Variants in PCDHGA11 observed in about 807,000 individuals in gnomAD.
The protein encoded by PCDHGA11 is protocadherin gamma-A11.
Under a neutral mutation model 60.4 loss-of-function variants are expected in PCDHGA11, and 39 were observed. The ratio of observed to expected loss-of-function variants is 0.65; its 90% confidence interval spans 0.50 to 0.84. The LOEUF is 0.84. Ranked by LOEUF, PCDHGA11 falls within the 40% of genes least tolerant of loss-of-function variation. The pLI is 0.00. For missense variants in PCDHGA11, 1,165 were observed against 1,197.7 expected, an observed-to-expected ratio of 0.97 and a Z score of 0.40; for synonymous variants, 533 against 510.3, an observed-to-expected ratio of 1.04 and a Z score of -0.60.
Position 141,438,239 on chromosome 5 carries a change from A to C in PCDHGA11, c.2433+14579A>C, listed in dbSNP as rs550172792. Among the ~76,000 whole-genome samples, 9 of 152,298 alleles carry C rather than the reference A, an allele frequency of 5.9e-5. No homozygotes were observed. In the East Asian group the frequency reaches 1.7e-3, roughly 29 times the overall value. On this transcript the variant is annotated intron_variant, in intron 1 of 3. Transcript: ENST00000398587. ...GCTCTGGTTCAGGAAAATGTTTTTA[A>C]AAAACTGTCATTGAAGAGACCATAG...
At position 141,476,033 on chromosome 5, in the gene PCDHGA11, C is replaced by T; in HGVS notation, c.2434-18774C>T. On this transcript the variant is annotated intron_variant, in intron 1 of 3. Transcript: ENST00000398587. The surrounding 1 kb of genome is among the most constrained non-coding windows in gnomAD (Gnocchi z 7.6). The stretch of plus-strand genomic sequence containing the variant: ...GCCATGTCGGACTCGGCGCCCAGCG[C>T]CCAAGCGCTAACCCGCTGAAAGTTT... 6.8e-7 allele frequency: 1 copy of T among 1,469,590 alleles called. No individual in the cohort carries two copies. Among genetic ancestry groups the T allele is most frequent in the Non-Finnish European group, 9.0e-7 (1 of 1,105,326 alleles). 91.0% of individuals were successfully genotyped at this position (1,469,590 alleles called of 1,614,324 possible). A position where few individuals can be genotyped will look rare whatever the true frequency, so the allele number is the denominator to read the frequency against.
intron 1 of PCDHGA11, among the ~76,000 whole-genome samples, chr5:141,443,035 CTT>C (rs2098359592): frequency 6.6e-6 from 1 of 152,208 alleles, no homozygotes; most frequent in African/African-American, 2.4e-5. Context: ...CAGACCTAAA[CTT>C]TGAAAATTAT....
chr5:141,472,268 A>G (rs399559), intron 1 of PCDHGA11, among the ~76,000 whole-genome samples: 152,324 of 152,332 alleles, frequency 1, 76,158 homozygotes, highest in Middle Eastern at 1. Flanking sequence ...ATAGCCGGGC[A>G]CAGTGGCTCA....
intron 1 of PCDHGA11, among the ~76,000 whole-genome samples, chr5:141,425,694 A>G (rs1006103007): frequency 6.6e-6 from 1 of 152,240 alleles, no homozygotes; most frequent in Non-Finnish European, 1.5e-5. Context: ...ATATCATTTC[A>G]TAGTGGTCAA....
rs182936964 is a variant in PCDHGA11, at chr5:141,502,069, T to C, written c.2493-3324T>C. 1.1e-3 allele frequency among the ~76,000 whole-genome samples: 175 copies of C among 152,186 alleles called. 1 individual carries two copies. Among genetic ancestry groups the C allele is most frequent in the African/African-American group, 3.9e-3 (162 of 41,524 alleles). ...CCCTACTTTATTCCCATTAGCCCCC[T>C]TCACCTGGGGCTGAGAACACCTGGC... On this transcript the variant is annotated intron_variant, in intron 2 of 3. Coordinates refer to ENST00000398587, the MANE Select transcript of PCDHGA11 (RefSeq NM_018914.3).
At chr5:141,437,741 CTT>C (rs35124340) in intron 1 of PCDHGA11, among the ~76,000 whole-genome samples, 17 of 141,612 alleles carry the variant, frequency 1.2e-4, no homozygotes, top group Admixed American at 2.1e-4. Flanking sequence ...TTGAGTTCAC[CTT>C]TTTTTTTTTT....
At chr5:141,447,084 T>A (rs2098525776) in intron 1 of PCDHGA11, among the ~76,000 whole-genome samples, 1 of 152,186 alleles carries the variant, frequency 6.6e-6, no homozygotes, top group Non-Finnish European at 1.5e-5. Flanking sequence ...TTTTGTTGTT[T>A]AATTTTCTTT....
chr5:141,489,477 G>C lies in PCDHGA11; in HGVS notation c.2434-5330G>C, dbSNP rs2154581232. 1.9e-6 allele frequency: 3 copies of C among 1,614,108 alleles called. No homozygotes were observed. Among genetic ancestry groups the C allele is most frequent in the Non-Finnish European group, 2.5e-6 (3 of 1,180,034 alleles). ...ATGGGCGCTATTTTTCCCTGAGCTT[G>C]ATGAGTGGTGCCCTGGCAGTGAATC... is the stretch of plus-strand genomic sequence containing the variant. On this transcript the variant is annotated intron_variant, in intron 1 of 3. Coordinates refer to ENST00000398587, the MANE Select transcript of PCDHGA11 (RefSeq NM_018914.3). This position sits in a 1 kb window ranked among gnomAD's most constrained non-coding sequence, Gnocchi z 4.5.
In PCDHGA11 at chr5:141,431,023, C is replaced by T. The variant is rs374655655; in HGVS notation, c.2433+7363C>T. 1 of 1,613,748 alleles carries T rather than the reference C, an allele frequency of 6.2e-7. No homozygotes were observed. On this transcript the variant is annotated intron_variant, in intron 1 of 3. Coordinates refer to ENST00000398587, the MANE Select transcript of PCDHGA11 (RefSeq NM_018914.3). This position sits in a 1 kb window ranked among gnomAD's most constrained non-coding sequence, Gnocchi z 4.8. Reference sequence around the variant, plus strand: ...GCAGCGGCAGCTTGGTCACGGCGGGCAGGATAGACCGGGAGGAGCTCTGTA... The same window carrying T: ...GCAGCGGCAGCTTGGTCACGGCGGGTAGGATAGACCGGGAGGAGCTCTGTA...
intron 1 of PCDHGA11, among the ~76,000 whole-genome samples, chr5:141,474,726 A>G (rs549082085): frequency 6.6e-6 from 1 of 152,358 alleles, no homozygotes; most frequent in South Asian, 2.1e-4. Flanking sequence ...AAAGGACTCT[A>G]TGCAATCAAA....
Position 141,489,363 on chromosome 5 carries a change from G to A in PCDHGA11, c.2434-5444G>A, listed in dbSNP as rs767837736. On this transcript the variant is annotated intron_variant, in intron 1 of 3. Transcript: ENST00000398587. This position sits in a 1 kb window ranked among gnomAD's most constrained non-coding sequence, Gnocchi z 4.5. ...ACTCAGTGGTGGAGGAGTCTGAGCC[G>A]GGGACGCTGGTGGGGAATGTTGCTC... 46 of 1,613,114 alleles carry A rather than the reference G, an allele frequency of 2.9e-5. 1 individual carries two copies. In the South Asian group the frequency reaches 3.4e-4, roughly 12 times the overall value.
rs765249445 is a variant in PCDHGA11, at chr5:141,489,754, C to T, written c.2434-5053C>T. ...CACCAATACTGTGAGCTTTTACACT[C>T]TAAGCCCCAACAGCCACTTCTCTCT... is the stretch of plus-strand genomic sequence containing the variant. On this transcript the variant is annotated intron_variant, in intron 1 of 3. Coordinates refer to ENST00000398587, the MANE Select transcript of PCDHGA11 (RefSeq NM_018914.3). The surrounding 1 kb of genome is among the most constrained non-coding windows in gnomAD (Gnocchi z 4.5). The T allele has an allele frequency of 4.0e-5, 64 of 1,613,992 alleles. No individual in the cohort carries two copies. The South Asian group carries it at 6.8e-4, about 17-fold the overall frequency.
chr5:141,497,740 C>G (rs954595046), intron 2 of PCDHGA11, among the ~76,000 whole-genome samples: 9 of 152,054 alleles, frequency 5.9e-5, no homozygotes, highest in African/African-American at 2.2e-4. Context: ...GGTTTCGCCA[C>G]GTTGGCCAGG....
chr5:141,460,987 A>G (rs201722325), intron 1 of PCDHGA11, among the ~76,000 whole-genome samples: 34 of 92,988 alleles, frequency 3.7e-4, no homozygotes, highest in Middle Eastern at 5.0e-3. Flanking sequence ...GTGTGTGTAT[A>G]TATATATATG....
intron 1 of PCDHGA11, among the ~76,000 whole-genome samples, chr5:141,437,807 G>T (rs910427301): frequency 6.7e-6 from 1 of 149,476 alleles, no homozygotes; most frequent in Non-Finnish European, 1.5e-5. Flanking sequence ...GCACTATCTT[G>T]GCTCACTGCA....
chr5:141,435,906 A>C (rs1246100275), intron 1 of PCDHGA11, among the ~76,000 whole-genome samples: 1 of 152,182 alleles, frequency 6.6e-6, no homozygotes, highest in African/African-American at 2.4e-5. Context: ...AAAGACATCC[A>C]AGGGCTCTAA....
rs2096708211 is a variant in PCDHGA11 at position 141,423,091 on chromosome 5, G to GCGTAC, written c.1864_1865insCGTAC (p.Glu622AlafsTer123). 4 of 1,613,908 alleles carry GCGTAC rather than the reference G, an allele frequency of 2.5e-6. No individual in the cohort carries two copies. Among genetic ancestry groups the GCGTAC allele is most frequent in the African/African-American group, 2.7e-5 (2 of 74,960 alleles). ...CGAGCCGGGACTCTTCGCGGTGGGG[G>GCGTAC]AGCACACGGGCGAGGTGCGTACAGC... On this transcript the variant is annotated frameshift_variant, in exon 1 of 4. Coordinates refer to ENST00000398587, the MANE Select transcript of PCDHGA11 (RefSeq NM_018914.3). LOFTEE classifies it high-confidence loss of function.
chr5:141,487,936 G>C lies in PCDHGA11; in HGVS notation c.2434-6871G>C. On this transcript the variant is annotated intron_variant, in intron 1 of 3. Coordinates refer to ENST00000398587, the MANE Select transcript of PCDHGA11 (RefSeq NM_018914.3). This position sits in a 1 kb window ranked among gnomAD's most constrained non-coding sequence, Gnocchi z 5.0. The stretch of plus-strand genomic sequence containing the variant: ...AGGAGGCTACAGTGCACAGGGTACA[G>C]TGCACCAGGCAGTCACTTGGACAAA... 4.9e-6 allele frequency: 3 copies of C among 607,906 alleles called. No homozygotes were observed. The highest frequency in any genetic ancestry group is 3.7e-5 in the African/African-American group (2 of 54,158). 37.7% of individuals were successfully genotyped at this position (607,906 alleles called of 1,614,324 possible). A position where few individuals can be genotyped will look rare whatever the true frequency, so the allele number is the denominator to read the frequency against.
At position 141,486,994 on chromosome 5, in the gene PCDHGA11, C is replaced by G. The variant is rs779792543; in HGVS notation, c.2434-7813C>G. ...ATTCAGGTTACAATGCTTGGGTTTC[C>G]TATCAGCTCCTGGAGGCCCCAGATC... On this transcript the variant is annotated intron_variant, in intron 1 of 3. Coordinates refer to ENST00000398587, the MANE Select transcript of PCDHGA11 (RefSeq NM_018914.3). The surrounding 1 kb of genome is among the most constrained non-coding windows in gnomAD (Gnocchi z 5.0). 3 of 1,614,214 alleles carry G rather than the reference C, an allele frequency of 1.9e-6. No individual in the cohort carries two copies. Among genetic ancestry groups the G allele is most frequent in the Admixed American group, 1.7e-5 (1 of 60,030 alleles).
Sources: allele counts gnomAD v4.1 joint callset (sites outside exome capture counted in the v4.1 genomes callset), GRCh38; gene constraint gnomAD v4.1.1; non-coding constraint Gnocchi (gnomAD v3.1); transcripts MANE v1.5; gene names NCBI Gene and HGNC (gene_info 2026-07-23, HGNC 2026-07-21).